The following NALCN variants were observed in gnomAD, a reference collection of about 807,000 sequenced individuals.
NALCN encodes sodium leak channel NALCN.
Under a neutral mutation model 225.3 loss-of-function variants are expected in NALCN, and 111 were observed. The observed-to-expected ratio is 0.49, with a 90% confidence interval of 0.42 to 0.58. NALCN has a LOEUF of 0.58. NALCN is among the 20% of genes least tolerant of loss of function. The pLI is 0.00. For missense variants in NALCN, 1,378 were observed against 2,202.4 expected (o/e 0.63, Z 7.49); for synonymous variants, 764 against 769.0 (o/e 0.99, Z 0.11).
At position 101,191,443 on chromosome 13, in the gene NALCN, G is replaced by A. The variant is rs532200063; in HGVS notation, c.1764+474C>T. ...TTTTTCCATGTGTTTTTTTCCAGTC[G>A]CACATAGCACAAAACCACTGTGCTG... On this transcript the variant is annotated intron_variant, in intron 14 of 43. Transcript: ENST00000251127. Among the ~76,000 whole-genome samples, 10 of 151,856 alleles carry A rather than the reference G, an allele frequency of 6.6e-5. No individual in the cohort carries two copies. In the South Asian group the frequency reaches 1.1e-3, roughly 16 times the overall value.
intron 22 of NALCN, among the ~76,000 whole-genome samples, chr13:101,106,229 C>A (rs941075545): frequency 6.6e-6 from 1 of 152,026 alleles, no homozygotes; most frequent in Non-Finnish European, 1.5e-5. Flanking sequence ...TAGATTAGGG[C>A]CCACCCTAAT....
rs55819464 is a variant in NALCN at position 101,387,685 on chromosome 13, C to T, written c.291+7498G>A. Among the ~76,000 whole-genome samples the T allele has an allele frequency of 7.7e-3, 1,165 of 152,080 alleles. 16 individuals are homozygous for T. Among genetic ancestry groups the T allele is most frequent in the African/African-American group, 0.027 (1,112 of 41,482 alleles). Reference sequence around the variant, plus strand: ...AGGTTTTCAGCAGACAAGTGCTTAACAAAAGTTTTAAAAATTATGGTAGAG... The same window carrying T: ...AGGTTTTCAGCAGACAAGTGCTTAATAAAAGTTTTAAAAATTATGGTAGAG... On this transcript the variant is annotated intron_variant, in intron 3 of 43. Coordinates refer to ENST00000251127, the MANE Select transcript of NALCN (RefSeq NM_052867.4).
intron 6 of NALCN, among the ~76,000 whole-genome samples, chr13:101,368,028 G>A (rs1278528037): frequency 1.4e-5 from 2 of 146,510 alleles, no homozygotes; most frequent in Non-Finnish European, 3.0e-5. Context: ...TATACTTTAA[G>A]TTTTAGGGTA....
chr13:101,178,582 C>T (rs945822981), intron 14 of NALCN, among the ~76,000 whole-genome samples: 5 of 152,198 alleles, frequency 3.3e-5, no homozygotes, highest in African/African-American at 1.2e-4. Flanking sequence ...TCCGTCTCCC[C>T]TTCTCCGTAG....
chr13:101,407,113 C>A (rs572777964), intron 1 of NALCN, among the ~76,000 whole-genome samples: 1 of 152,310 alleles, frequency 6.6e-6, no homozygotes, highest in South Asian at 2.1e-4. Flanking sequence ...AAGCCCAGAA[C>A]ACAGTTGTTA....
intron 7 of NALCN, among the ~76,000 whole-genome samples, chr13:101,330,380 TG>T (rs1353172749): frequency 6.6e-6 from 1 of 152,116 alleles, no homozygotes; most frequent in Non-Finnish European, 1.5e-5. Flanking sequence ...AGAGAGGAGT[TG>T]GGAGGCACCT....
chr13:101,159,959 T>TTTTA (rs1257628229), intron 15 of NALCN, among the ~76,000 whole-genome samples: 4 of 151,782 alleles, frequency 2.6e-5, no homozygotes, highest in Admixed American at 6.6e-5. Context: ...GTTATTTTTA[T>TTTTA]TTTATTTTAT....
chr13:101,208,172 C>T (rs1246470430), intron 13 of NALCN, among the ~76,000 whole-genome samples: 1 of 152,178 alleles, frequency 6.6e-6, no homozygotes, highest in African/African-American at 2.4e-5. Flanking sequence ...CTCCTGAAGC[C>T]AGCAAGACCA....
At chr13:101,400,919 A>C (rs1331172546) in intron 1 of NALCN, among the ~76,000 whole-genome samples, 1 of 152,022 alleles carries the variant, frequency 6.6e-6, no homozygotes, top group African/African-American at 2.4e-5. Context: ...AGTGTTTGAC[A>C]GTTCCTACTT....
At chr13:101,351,300 T>C (rs988546561) in intron 6 of NALCN, among the ~76,000 whole-genome samples, 7 of 152,194 alleles carry the variant, frequency 4.6e-5, no homozygotes, top group African/African-American at 1.7e-4. Flanking sequence ...CTTCCATGTA[T>C]CAAAATGAGT....
At chr13:101,383,142 C>A (rs2046895772) in intron 3 of NALCN, among the ~76,000 whole-genome samples, 1 of 152,134 alleles carries the variant, frequency 6.6e-6, no homozygotes, top group Non-Finnish European at 1.5e-5. Flanking sequence ...AAAATTCTGC[C>A]AAGTCTGTGC....
At chr13:101,184,842 C>T (rs937596252) in intron 14 of NALCN, among the ~76,000 whole-genome samples, 2 of 152,160 alleles carry the variant, frequency 1.3e-5, no homozygotes, top group African/African-American at 2.4e-5. Context: ...TGACCTTACC[C>T]TATATAGCTT....
At chr13:101,345,146 T>C in intron 7 of NALCN, 120 bp downstream of exon 7, 1 of 1,040,728 alleles carries the variant, frequency 9.6e-7, no homozygotes, top group Non-Finnish European at 1.4e-6. Flanking sequence ...AAAATTTATA[T>C]TTGTATTTCT....
intron 18 of NALCN, chr13:101,117,014 G>A: frequency 2.0e-6 from 1 of 506,590 alleles, no homozygotes; most frequent in East Asian, 5.6e-5. Context: ...TTGCTGAGAT[G>A]AGGAAAAAGC....
chr13:101,334,184 G>A (rs1207008564), intron 7 of NALCN, among the ~76,000 whole-genome samples: 1 of 151,022 alleles, frequency 6.6e-6, no homozygotes, highest in Non-Finnish European at 1.5e-5. Context: ...ACGCACGTGT[G>A]CACACACACA....
At chr13:101,380,984 A>C (rs1467955925) in intron 3 of NALCN, among the ~76,000 whole-genome samples, 1 of 152,194 alleles carries the variant, frequency 6.6e-6, no homozygotes, top group East Asian at 1.9e-4. Flanking sequence ...AAATAACTTA[A>C]AGCTATAAAC....
intron 3 of NALCN, among the ~76,000 whole-genome samples, chr13:101,381,521 C>T (rs1004811216): frequency 6.6e-6 from 1 of 151,990 alleles, no homozygotes; most frequent in Non-Finnish European, 1.5e-5. Context: ...TTGACTTTTT[C>T]TGAGCCTAAA....
At chr13:101,127,471 G>C (rs575672243) in intron 17 of NALCN, among the ~76,000 whole-genome samples, 1 of 152,250 alleles carries the variant, frequency 6.6e-6, no homozygotes, top group South Asian at 2.1e-4. Flanking sequence ...CAATACTCCT[G>C]CCTCAGCCTC....
At chr13:101,197,172 G>C (rs917012219) in intron 13 of NALCN, among the ~76,000 whole-genome samples, 1 of 152,134 alleles carries the variant, frequency 6.6e-6, no homozygotes, top group Non-Finnish European at 1.5e-5. Flanking sequence ...AGACTTCACA[G>C]ATTGGGGAAT....
Sources: gnomAD v4.1 joint callset for allele counts (sites outside exome capture counted in the v4.1 genomes callset) on GRCh38, gnomAD v4.1.1 for gene constraint, MANE v1.5 for transcripts, NCBI Gene and HGNC (gene_info 2026-07-23, HGNC 2026-07-21) for gene names.